The following CFAP77 variants were observed in gnomAD, a reference collection of about 807,000 sequenced individuals.
The protein encoded by CFAP77 is cilia and flagella associated protein 77, also known as cilia- and flagella-associated protein 77.
A neutral mutation model predicts 31.1 loss-of-function variants in CFAP77; 25 were observed. The ratio of observed to expected loss-of-function variants is 0.80; its 90% confidence interval spans 0.59 to 1.12. The LOEUF is 1.12. CFAP77 is among the 50% of genes most tolerant of loss of function. CFAP77 has a pLI of 0.00. For missense variants in CFAP77, 377 were observed against 397.3 expected (o/e 0.95, Z 0.44); for synonymous variants, 151 against 159.9 (o/e 0.94, Z 0.42).
Position 132,410,306 on chromosome 9 carries a change from C to T in CFAP77, c.35C>T (p.Thr12Met). ...GCCAGGAGCTCCGGCCCGGACCTCACGCGATGGAGGAAGCAGCAGCAGCCT... is the reference window on the plus strand; with the variant it reads ...GCCAGGAGCTCCGGCCCGGACCTCATGCGATGGAGGAAGCAGCAGCAGCCT... Reference protein sequence around the residue: ...PEARSSGPDLTRWRKQQQPVR... With the variant: ...PEARSSGPDLMRWRKQQQPVR... The change falls in exon 1 of 6, where the codon ACG (threonine) becomes ATG (methionine). Residue 12 changes from threonine (T) to methionine (M), a missense_variant. Thr to Met is a moderately conservative substitution (Grantham distance 81). Transcript: ENST00000393216. 3 of 1,593,534 alleles carry T rather than the reference C, an allele frequency of 1.9e-6. No homozygotes were observed. The highest frequency in any genetic ancestry group is 4.6e-5 in the East Asian group (2 of 43,064).
At position 132,514,331 on chromosome 9, in the gene CFAP77, A is replaced by G. The variant is rs1346207227; in HGVS notation, c.524+14731A>G. Among the ~76,000 whole-genome samples, 5 of 152,192 alleles carry G rather than the reference A, an allele frequency of 3.3e-5. No individual in the cohort carries two copies. The East Asian group carries it at 9.6e-4, about 29-fold the overall frequency. On this transcript the variant is annotated intron_variant, in intron 3 of 5. Coordinates refer to ENST00000393216, the MANE Select transcript of CFAP77 (RefSeq NM_001282957.2). Reference sequence around the variant, plus strand: ...CCTCCTGGTCAGGCAAAGGATGGGTATCAATGATCACCTTGGAAAAGGGGT... The same window carrying G: ...CCTCCTGGTCAGGCAAAGGATGGGTGTCAATGATCACCTTGGAAAAGGGGT...
chr9:132,447,628 C>T lies in CFAP77; in HGVS notation c.195+37162C>T, dbSNP rs503623. ...AGATCAGCACGTCGGTTACACACAG[C>T]GTGTCCGCCGTGTGTTCGGACCTAA... On this transcript the variant is annotated intron_variant, in intron 1 of 5. Transcript: ENST00000393216. Among the ~76,000 whole-genome samples the T allele has an allele frequency of 3.3e-5, 5 of 152,178 alleles. No individual in the cohort carries two copies. In the East Asian group the frequency reaches 7.7e-4, roughly 24 times the overall value.
intron 1 of CFAP77, among the ~76,000 whole-genome samples, chr9:132,473,823 A>G (rs1418574889): frequency 2.0e-5 from 3 of 152,190 alleles, no homozygotes; most frequent in Non-Finnish European, 4.4e-5. Flanking sequence ...AGCTGGGATT[A>G]CAGGCGTGCA....
chr9:132,503,770 C>T (rs1212274106), intron 3 of CFAP77, among the ~76,000 whole-genome samples: 1 of 152,058 alleles, frequency 6.6e-6, no homozygotes, highest in Non-Finnish European at 1.5e-5. Flanking sequence ...AAAATAGAGC[C>T]GGGTGCAGTG....
At chr9:132,448,930 G>A (rs999868787) in intron 1 of CFAP77, among the ~76,000 whole-genome samples, 1 of 152,082 alleles carries the variant, frequency 6.6e-6, no homozygotes, top group Non-Finnish European at 1.5e-5. Flanking sequence ...GGAGATACAC[G>A]AAGAGACCAA....
At chr9:132,559,860 T>C (rs1852966319) in intron 5 of CFAP77, among the ~76,000 whole-genome samples, 2 of 152,214 alleles carry the variant, frequency 1.3e-5, no homozygotes, top group Admixed American at 6.5e-5. Flanking sequence ...AATGAAGCGG[T>C]CCTCTGTGCT....
chr9:132,553,603 C>T (rs1409614830), intron 5 of CFAP77, among the ~76,000 whole-genome samples: 1 of 152,192 alleles, frequency 6.6e-6, no homozygotes, highest in Non-Finnish European at 1.5e-5. Flanking sequence ...CTCTCCCTTC[C>T]ACATGACAGC....
chr9:132,415,855 G>C (rs1833795518), intron 1 of CFAP77, among the ~76,000 whole-genome samples: 2 of 152,198 alleles, frequency 1.3e-5, no homozygotes, highest in Admixed American at 1.3e-4. Context: ...GAGGTCTCGT[G>C]AAATGTCTGA....
At position 132,526,696 on chromosome 9, in the gene CFAP77, C is replaced by G. The variant is rs541472761; in HGVS notation, c.525-10905C>G. Among the ~76,000 whole-genome samples the G allele has an allele frequency of 3.3e-4, 42 of 125,586 alleles. 1 individual carries two copies. The highest frequency in any genetic ancestry group is 5.6e-4 in the Non-Finnish European group (33 of 58,560). The allele number at this position is 125,586 out of a possible 152,430, so 82.4% of individuals were successfully genotyped here. ...TATCACCACCGATCCCACAGAAATA[C>G]AAACTACCATCAGAGAATACTACAA... On this transcript the variant is annotated intron_variant, in intron 3 of 5. Transcript: ENST00000393216.
In CFAP77 at chr9:132,485,017, T is replaced by G. The variant is rs191482993; in HGVS notation, c.196-13678T>G. On this transcript the variant is annotated intron_variant, in intron 1 of 5. Coordinates refer to ENST00000393216, the MANE Select transcript of CFAP77 (RefSeq NM_001282957.2). Reference sequence around the variant, plus strand: ...GCATGCGCCAGCAAGCCCAGCTAATTTTTTTATTTTTAGTAGAGACAGGGT... The same window carrying G: ...GCATGCGCCAGCAAGCCCAGCTAATGTTTTTATTTTTAGTAGAGACAGGGT... 2.2e-4 allele frequency among the ~76,000 whole-genome samples: 33 copies of G among 152,224 alleles called. No individual in the cohort carries two copies. In the East Asian group the frequency reaches 6.4e-3, roughly 29 times the overall value.
chr9:132,453,132 C>T (rs552059994), intron 1 of CFAP77, among the ~76,000 whole-genome samples: 1 of 152,166 alleles, frequency 6.6e-6, no homozygotes, highest in Non-Finnish European at 1.5e-5. Flanking sequence ...TCACTCTTCC[C>T]TTCATGCCCT....
intron 1 of CFAP77, among the ~76,000 whole-genome samples, chr9:132,486,293 C>G (rs910564695): frequency 1.3e-5 from 2 of 150,562 alleles, no homozygotes; most frequent in Non-Finnish European, 3.0e-5. Context: ...GGCGTTTCAC[C>G]GTGTTGGCCA....
In CFAP77 at chr9:132,558,531, C is replaced by T. The variant is rs1269412219; in HGVS notation, c.733-13857C>T. Reference sequence around the variant, plus strand: ...ACTAGCCTGGCCAACGTGGTGAAACCCCATCTCTACTAAAAATATAAAAAT... The same window carrying T: ...ACTAGCCTGGCCAACGTGGTGAAACTCCATCTCTACTAAAAATATAAAAAT... On this transcript the variant is annotated intron_variant, in intron 5 of 5. Transcript: ENST00000393216. Among the ~76,000 whole-genome samples, 4 of 151,704 alleles carry T rather than the reference C, an allele frequency of 2.6e-5. No homozygotes were observed. The East Asian group carries it at 5.8e-4, about 22-fold the overall frequency.
At chr9:132,530,136 CTTTTTTTTT>C (rs750962954) in intron 3 of CFAP77, among the ~76,000 whole-genome samples, 480 of 93,272 alleles carry the variant, frequency 5.1e-3, no homozygotes, top group Non-Finnish European at 6.8e-3. Context: ...TCTTTCTTTT[CTTTTTTTTT>C]TTTTTTTTTT....
intron 5 of CFAP77, among the ~76,000 whole-genome samples, chr9:132,568,329 T>G (rs922235018): frequency 2.6e-5 from 4 of 151,818 alleles, no homozygotes; most frequent in African/African-American, 9.7e-5. Context: ...CCGAGGCGGG[T>G]GGATCACCTG....
In CFAP77 at chr9:132,572,681, G is replaced by C; in HGVS notation, c.*171G>C. 1.5e-6 allele frequency: 1 copy of C among 685,104 alleles called. No homozygotes were observed. The highest frequency in any genetic ancestry group is 2.4e-6 in the Non-Finnish European group (1 of 422,328). The allele number at this position is 685,104 out of a possible 1,614,324, so 42.4% of individuals were successfully genotyped here. On this transcript the variant is annotated 3_prime_UTR_variant, in exon 6 of 6. Coordinates refer to ENST00000393216, the MANE Select transcript of CFAP77 (RefSeq NM_001282957.2). ...TTTTTGGTAAAAGTCCCCCCTTTTA[G>C]GTTAGCCAACATTAGTCTCCACTTA...
At chr9:132,460,874 C>T (rs1234358808) in intron 1 of CFAP77, among the ~76,000 whole-genome samples, 3 of 151,978 alleles carry the variant, frequency 2.0e-5, no homozygotes, top group Admixed American at 1.3e-4. Context: ...TACAGGTGCC[C>T]GCCACCACGC....
chr9:132,415,931 A>C (rs1406475188), intron 1 of CFAP77, among the ~76,000 whole-genome samples: 1 of 152,232 alleles, frequency 6.6e-6, no homozygotes, highest in East Asian at 1.9e-4. Flanking sequence ...CAAGATAATT[A>C]AATGTATTTT....
At position 132,499,314 on chromosome 9, in the gene CFAP77, C is replaced by T; in HGVS notation, c.296-58C>T. The T allele has an allele frequency of 6.6e-7, 1 of 1,506,934 alleles. No homozygotes were observed. The highest frequency in any genetic ancestry group is 1.7e-4 in the Middle Eastern group (1 of 5,806). The allele number at this position is 1,506,934 out of a possible 1,614,324, so 93.3% of individuals were successfully genotyped here. A position where few individuals can be genotyped will look rare whatever the true frequency, so the allele number is the denominator to read the frequency against. Reference sequence around the variant, plus strand: ...GCCCCCATTTCTTCTCGATCAGCTGCCTCAGGGTGCTTACTCCCAGGCTGA... The same window carrying T: ...GCCCCCATTTCTTCTCGATCAGCTGTCTCAGGGTGCTTACTCCCAGGCTGA... On this transcript the variant is annotated intron_variant, in intron 2 of 5. Transcript: ENST00000393216. The surrounding 1 kb of genome is among the most constrained non-coding windows in gnomAD (Gnocchi z 5.4).
Sources: allele counts gnomAD v4.1 joint callset (sites outside exome capture counted in the v4.1 genomes callset), GRCh38; gene constraint gnomAD v4.1.1; non-coding constraint Gnocchi (gnomAD v3.1); transcripts MANE v1.5; gene names NCBI Gene and HGNC (gene_info 2026-07-23, HGNC 2026-07-21).